Variants in LGR6 observed in about 807,000 individuals in gnomAD.
LGR6 encodes the protein leucine rich repeat containing G protein-coupled receptor 6.
In LGR6, 45 loss-of-function variants were observed where a neutral mutation model predicts 69.4. That is an observed-to-expected ratio of 0.65 (90% CI 0.51 to 0.83). The LOEUF (loss-of-function observed/expected upper bound fraction) is 0.83. Ranked by LOEUF, LGR6 falls within the 40% of genes least tolerant of loss-of-function variation. LGR6 has a pLI of 0.00. For missense variants in LGR6, 1,108 were observed against 1,246.7 expected, an observed-to-expected ratio of 0.89 and a Z score of 1.68; for synonymous variants, 538 against 555.0, an observed-to-expected ratio of 0.97 and a Z score of 0.43.
intron 6 of LGR6, among the ~76,000 whole-genome samples, chr1:202,289,152 A>G (rs1666609644): frequency 6.6e-6 from 1 of 152,242 alleles, no homozygotes; most frequent in African/African-American, 2.4e-5. Flanking sequence ...ATTACATTTT[A>G]TGCTCTTCCA....
chr1:202,260,684 A>G (rs1047316855), intron 4 of LGR6, among the ~76,000 whole-genome samples: 1 of 152,194 alleles, frequency 6.6e-6, no homozygotes, highest in Non-Finnish European at 1.5e-5. Flanking sequence ...TATATTTTCA[A>G]GTAGTTTTTC....
chr1:202,208,407 G>GGA (rs1314756360), intron 1 of LGR6, among the ~76,000 whole-genome samples: 1 of 135,098 alleles, frequency 7.4e-6, no homozygotes, highest in African/African-American at 2.7e-5. Flanking sequence ...GAAGGAGGGG[G>GGA]GAGAGAGAGA....
chr1:202,274,940 C>A (rs1478565276), intron 4 of LGR6, among the ~76,000 whole-genome samples: 2 of 152,222 alleles, frequency 1.3e-5, no homozygotes, highest in African/African-American at 4.8e-5. Flanking sequence ...CAGTGTTGGC[C>A]TATCCACCCA....
intron 4 of LGR6, among the ~76,000 whole-genome samples, chr1:202,263,906 A>C (rs1235821804): frequency 6.6e-6 from 1 of 152,176 alleles, no homozygotes; most frequent in Non-Finnish European, 1.5e-5. Context: ...CAGGGAAGGG[A>C]TCTTGAAGCC....
intron 7 of LGR6, among the ~76,000 whole-genome samples, chr1:202,300,522 G>A (rs540379654): frequency 6.6e-6 from 1 of 152,236 alleles, no homozygotes; most frequent in East Asian, 1.9e-4. Context: ...AGGTGCAGTG[G>A]CACATGCCTG....
intron 1 of LGR6, among the ~76,000 whole-genome samples, chr1:202,199,191 G>T (rs369223590): frequency 2.9e-3 from 442 of 152,246 alleles, no homozygotes; most frequent in African/African-American, 9.7e-3. Context: ...CTGCTCAGCT[G>T]CAGGCAGTGA....
In LGR6 at chr1:202,301,155, T is replaced by A; in HGVS notation, c.858-9T>A. ...AACCCAATTAGGTGTTTGGACCTTCTTCTTCCAGACACTTTTATGATAACC... is the reference window on the plus strand; with the variant it reads ...AACCCAATTAGGTGTTTGGACCTTCATCTTCCAGACACTTTTATGATAACC... On this transcript the variant is annotated splice_polypyrimidine_tract_variant and intron_variant, in intron 8 of 17. Coordinates refer to ENST00000367278, the MANE Select transcript of LGR6 (RefSeq NM_001017403.2). The A allele has an allele frequency of 2.5e-6, 4 of 1,614,018 alleles. No individual in the cohort carries two copies. Among genetic ancestry groups the A allele is most frequent in the Non-Finnish European group, 3.4e-6 (4 of 1,179,832 alleles).
intron 4 of LGR6, among the ~76,000 whole-genome samples, chr1:202,247,197 A>G (rs890381284): frequency 2.0e-5 from 3 of 152,380 alleles, no homozygotes; most frequent in Middle Eastern, 3.4e-3. Flanking sequence ...TTTGGGAGCC[A>G]CTGCTCCAAT....
intron 17 of LGR6, among the ~76,000 whole-genome samples, chr1:202,315,231 CAGTCTA>C (rs1295078355): frequency 6.6e-6 from 1 of 152,204 alleles, no homozygotes; most frequent in Non-Finnish European, 1.5e-5. Context: ...AGTAATCCCT[CAGTCTA>C]AGACCCATAC....
chr1:202,256,055 C>T (rs2148080320), intron 4 of LGR6, among the ~76,000 whole-genome samples: 2 of 152,272 alleles, frequency 1.3e-5, no homozygotes, highest in East Asian at 3.9e-4. Context: ...TCATCTTCCC[C>T]CAGCCCCTGA....
chr1:202,319,374 A>G lies in LGR6; in HGVS notation c.*167A>G. ...TCACCTCTCTCCTGTGACCATCACC[A>G]ACGGGTGCCTCTTGGCCTGGCTTTC... On this transcript the variant is annotated 3_prime_UTR_variant, in exon 18 of 18. Transcript: ENST00000367278. 1 of 680,658 alleles carries G rather than the reference A, an allele frequency of 1.5e-6. No individual in the cohort carries two copies. The allele number at this position is 680,658 out of a possible 1,614,324, so 42.2% of individuals were successfully genotyped here. A position where few individuals can be genotyped will look rare whatever the true frequency, so the allele number is the denominator to read the frequency against.
At chr1:202,223,897 C>T (rs1335171994) in intron 1 of LGR6, among the ~76,000 whole-genome samples, 2 of 146,660 alleles carry the variant, frequency 1.4e-5, no homozygotes, top group African/African-American at 5.0e-5. Context: ...GGGACACTTG[C>T]CCACAGGACC....
intron 1 of LGR6, among the ~76,000 whole-genome samples, chr1:202,218,343 G>T (rs1659921635): frequency 6.6e-6 from 1 of 152,158 alleles, no homozygotes. Flanking sequence ...CTGTTGTCCA[G>T]CCTGGAGTGT....
intron 1 of LGR6, among the ~76,000 whole-genome samples, chr1:202,211,551 G>A (rs953395499): frequency 6.6e-6 from 1 of 152,148 alleles, no homozygotes; most frequent in African/African-American, 2.4e-5. Context: ...TGTAGAGATG[G>A]GGTTTCACCA....
chr1:202,262,496 G>A (rs1215514345), intron 4 of LGR6, among the ~76,000 whole-genome samples: 5 of 152,078 alleles, frequency 3.3e-5, no homozygotes, highest in Admixed American at 2.6e-4. Flanking sequence ...CTGTAGCCTT[G>A]TAGTATAGTT....
In LGR6 at chr1:202,268,221, G is replaced by A. The variant is rs1015765305; in HGVS notation, c.429-8085G>A. Among the ~76,000 whole-genome samples the A allele has an allele frequency of 1.3e-5, 2 of 152,316 alleles. No homozygotes were observed. Among genetic ancestry groups the A allele is most frequent in the African/African-American group, 2.4e-5 (1 of 41,578 alleles). On this transcript the variant is annotated intron_variant, in intron 4 of 17. Coordinates refer to ENST00000367278, the MANE Select transcript of LGR6 (RefSeq NM_001017403.2). The surrounding 1 kb of genome is among the most constrained non-coding windows in gnomAD (Gnocchi z 4.4). ...CCCCATTGGAGCCCCGTGGCCCTCC[G>A]TGCAGAAGCTGGCACCTGGCACTGG... is the stretch of plus-strand genomic sequence containing the variant.
rs775749802 is a variant in LGR6 at position 202,306,804 on chromosome 1, G to A, written c.1137-64G>A. On this transcript the variant is annotated intron_variant, in intron 12 of 17. Transcript: ENST00000367278. ...TCTACTTTCTTCCTCCCAGTGCTCGGGGGGCATGGAGCGGAGCCAGGGTCT... is the reference window on the plus strand; with the variant it reads ...TCTACTTTCTTCCTCCCAGTGCTCGAGGGGCATGGAGCGGAGCCAGGGTCT... The A allele has an allele frequency of 6.9e-6, 10 of 1,449,958 alleles. No individual in the cohort carries two copies. The Middle Eastern group carries it at 7.0e-4, about 102-fold the overall frequency. The allele number at this position is 1,449,958 out of a possible 1,614,324, so 89.8% of individuals were successfully genotyped here.
In LGR6 at chr1:202,314,848, GCCACAC is replaced by G; in HGVS notation, c.1617_1622del (p.His540_Pro541del). On this transcript the variant is annotated inframe_deletion, in exon 17 of 18. Coordinates refer to ENST00000367278, the MANE Select transcript of LGR6 (RefSeq NM_001017403.2). Reference sequence around the variant, plus strand: ...TCCAGCTGGAGATGGAGGACTCAAAGCCACACCCCAGTGTCCAGTGTAGCCCTACTC... The same window carrying G: ...TCCAGCTGGAGATGGAGGACTCAAAGCCCAGTGTCCAGTGTAGCCCTACTC... 6.2e-7 allele frequency: 1 copy of G among 1,614,104 alleles called. No individual in the cohort carries two copies. Among genetic ancestry groups the G allele is most frequent in the South Asian group, 1.1e-5 (1 of 91,066 alleles).
chr1:202,223,952 A>C (rs1440229665), intron 1 of LGR6, among the ~76,000 whole-genome samples: 2 of 151,454 alleles, frequency 1.3e-5, no homozygotes, highest in African/African-American at 2.4e-5. Context: ...TACCTTGTCC[A>C]TACTATTTAT....
Sources: allele counts gnomAD v4.1 joint callset (sites outside exome capture counted in the v4.1 genomes callset), GRCh38; gene constraint gnomAD v4.1.1; non-coding constraint Gnocchi (gnomAD v3.1); transcripts MANE v1.5; gene names NCBI Gene and HGNC (gene_info 2026-07-23, HGNC 2026-07-21).